Variants in LEKR1 observed in about 807,000 individuals in gnomAD.
LEKR1 encodes the protein protein LEKR1.
LEKR1 carries 59 observed loss-of-function variants against 72.4 expected under a neutral mutation model. That is an observed-to-expected ratio of 0.82 (90% CI 0.66 to 1.01). The LOEUF is 1.01. LEKR1 is among the 50% of genes least tolerant of loss of function. The pLI is 0.00. For missense variants in LEKR1, 728 were observed against 759.2 expected (o/e 0.96, Z 0.48); for synonymous variants, 257 against 263.2 (o/e 0.98, Z 0.23).
chr3:156,964,970 A>G (rs2107986618), intron 6 of LEKR1, among the ~76,000 whole-genome samples: 1 of 152,152 alleles, frequency 6.6e-6, no homozygotes, highest in East Asian at 1.9e-4. Flanking sequence ...TTGTAGGTCC[A>G]TGTCCCTTCC....
intron 2 of LEKR1, among the ~76,000 whole-genome samples, chr3:156,840,713 C>T (rs1306745851): frequency 1.3e-5 from 2 of 152,168 alleles, no homozygotes; most frequent in Non-Finnish European, 2.9e-5. Context: ...TAAACTGTAA[C>T]CCAGCAGGAA....
At chr3:156,974,471 A>G (rs1235914404) in intron 6 of LEKR1, among the ~76,000 whole-genome samples, 4 of 152,074 alleles carry the variant, frequency 2.6e-5, no homozygotes, top group Non-Finnish European at 5.9e-5. Flanking sequence ...AAAACTGACA[A>G]CGCTCCTTGT....
intron 6 of LEKR1, among the ~76,000 whole-genome samples, chr3:156,970,542 G>T (rs1002885535): frequency 2.8e-4 from 42 of 152,094 alleles, no homozygotes; most frequent in Non-Finnish European, 2.9e-5. Context: ...GGGAAAAGAG[G>T]AAGTCAAATT....
intron 3 of LEKR1, among the ~76,000 whole-genome samples, chr3:156,858,202 T>C (rs1716304999): frequency 1.3e-5 from 2 of 152,152 alleles, no homozygotes; most frequent in Admixed American, 1.3e-4. Context: ...TATGACTCCA[T>C]TTCTCTTTCC....
intron 2 of LEKR1, among the ~76,000 whole-genome samples, chr3:156,836,937 A>G (rs985123154): frequency 1.3e-5 from 2 of 152,246 alleles, no homozygotes; most frequent in Admixed American, 1.3e-4. Context: ...TTAGTCTTCC[A>G]GGAAGGAGTC....
chr3:156,999,058 C>A (rs1237153532), intron 9 of LEKR1, among the ~76,000 whole-genome samples: 1 of 152,132 alleles, frequency 6.6e-6, no homozygotes, highest in Non-Finnish European at 1.5e-5. Context: ...GCTTTTCCCC[C>A]TTTGCCCGGC....
intron 3 of LEKR1, among the ~76,000 whole-genome samples, chr3:156,915,622 T>C (rs1723560227): frequency 6.6e-6 from 1 of 152,146 alleles, no homozygotes; most frequent in Non-Finnish European, 1.5e-5. Context: ...TTGTTTTTTT[T>C]CTTGTAAATT....
At chr3:156,996,297 T>A (rs1434683849) in intron 9 of LEKR1, among the ~76,000 whole-genome samples, 1 of 152,082 alleles carries the variant, frequency 6.6e-6, no homozygotes, top group African/African-American at 2.4e-5. Context: ...CTCTGCCCAT[T>A]TCCTAAAGGA....
intron 6 of LEKR1, among the ~76,000 whole-genome samples, chr3:156,943,391 T>G (rs984586953): frequency 1.3e-5 from 2 of 151,914 alleles, no homozygotes; most frequent in Non-Finnish European, 1.5e-5. Context: ...TCACATTTTT[T>G]TAAGTCCTAA....
chr3:156,914,195 T>G (rs7622309), intron 3 of LEKR1, among the ~76,000 whole-genome samples: 128,285 of 152,044 alleles, frequency 0.84, 54,281 homozygotes, highest in African/African-American at 0.91. Flanking sequence ...TTAAGTTCTG[T>G]GATACATGTG....
intron 5 of LEKR1, among the ~76,000 whole-genome samples, chr3:156,939,806 C>T (rs986694761): frequency 1.4e-4 from 22 of 151,998 alleles, no homozygotes; most frequent in African/African-American, 4.8e-4. Context: ...AGGAAAAATA[C>T]TTATCAGGCG....
intron 3 of LEKR1, among the ~76,000 whole-genome samples, chr3:156,876,751 A>G (rs551555304): frequency 9.2e-5 from 14 of 152,318 alleles, no homozygotes; most frequent in Admixed American, 2.0e-4. Context: ...TAGGTATACA[A>G]TCATATCATC....
chr3:156,827,608 C>T (rs1711798866), intron 1 of LEKR1, among the ~76,000 whole-genome samples: 1 of 152,176 alleles, frequency 6.6e-6, no homozygotes, highest in African/African-American at 2.4e-5. Context: ...GCAGATTAGC[C>T]GTGATGTGCA....
chr3:156,832,411 G>T (rs979561115), intron 2 of LEKR1, among the ~76,000 whole-genome samples: 6 of 152,142 alleles, frequency 3.9e-5, no homozygotes, highest in African/African-American at 4.8e-5. Flanking sequence ...TCTCTCTCCA[G>T]TTCCCCATTT....
intron 9 of LEKR1, among the ~76,000 whole-genome samples, chr3:157,006,784 A>G (rs745724813): frequency 2.6e-5 from 4 of 152,268 alleles, no homozygotes; most frequent in Non-Finnish European, 5.9e-5. Flanking sequence ...TCAGAATCAT[A>G]TAGTGTATTT....
intron 3 of LEKR1, among the ~76,000 whole-genome samples, chr3:156,871,205 T>G (rs1025392165): frequency 6.6e-6 from 1 of 150,922 alleles, no homozygotes; most frequent in Non-Finnish European, 1.5e-5. Flanking sequence ...GAATATGCGG[T>G]GTTTGGTTTT....
At chr3:156,988,755 G>A in intron 7 of LEKR1, 1 of 181,144 alleles carries the variant, frequency 5.5e-6, no homozygotes. Context: ...TCTTTGAGGG[G>A]GAGGGAACTC....
At chr3:156,931,016 T>C (rs1251046271) in intron 5 of LEKR1, among the ~76,000 whole-genome samples, 1 of 152,082 alleles carries the variant, frequency 6.6e-6, no homozygotes, top group Non-Finnish European at 1.5e-5. Flanking sequence ...ATTTCATGGA[T>C]AGGACATAGA....
At chr3:157,008,588 G>A (rs1732646614) in intron 9 of LEKR1, among the ~76,000 whole-genome samples, 1 of 152,026 alleles carries the variant, frequency 6.6e-6, no homozygotes, top group Non-Finnish European at 1.5e-5. Flanking sequence ...AAAACCACCA[G>A]CCTGCGTTTT....
Sources: allele counts gnomAD v4.1 joint callset (sites outside exome capture counted in the v4.1 genomes callset), GRCh38; gene constraint gnomAD v4.1.1; transcripts MANE v1.5; gene names NCBI Gene and HGNC (gene_info 2026-07-23, HGNC 2026-07-21).